GALNTL6: variants seen among roughly 807,000 people sequenced by gnomAD.
The protein encoded by GALNTL6 is polypeptide N-acetylgalactosaminyltransferase-like 6.
Under a neutral mutation model 73.7 loss-of-function variants are expected in GALNTL6, and 46 were observed. That is an observed-to-expected ratio of 0.62 (90% CI 0.49 to 0.80). The LOEUF is 0.80. GALNTL6 is among the 30% of genes least tolerant of loss of function. The probability of loss-of-function intolerance (pLI) is 0.00; values close to 1 mark genes in which losing one functional copy is unlikely to be tolerated. For missense variants in GALNTL6, 604 were observed against 755.0 expected, an observed-to-expected ratio of 0.80 and a Z score of 2.34; for synonymous variants, 259 against 263.7, an observed-to-expected ratio of 0.98 and a Z score of 0.17.
chr4:172,362,941 G>T (rs1333162804), intron 5 of GALNTL6, among the ~76,000 whole-genome samples: 1 of 152,104 alleles, frequency 6.6e-6, no homozygotes, highest in African/African-American at 2.4e-5. Context: ...TTAAATTCCT[G>T]AAAGGTCCTT....
chr4:172,152,444 A>G (rs1031643293), intron 2 of GALNTL6, among the ~76,000 whole-genome samples: 6 of 152,318 alleles, frequency 3.9e-5, no homozygotes, highest in African/African-American at 1.4e-4. Flanking sequence ...TGGTGATTGC[A>G]TAGCTGTCAT....
intron 2 of GALNTL6, among the ~76,000 whole-genome samples, chr4:171,877,297 CT>C (rs1736307588): frequency 6.6e-6 from 1 of 152,072 alleles, no homozygotes; most frequent in Non-Finnish European, 1.5e-5. Context: ...TCTTTTCAGT[CT>C]TTTTTCTACA....
rs1001814034 is a variant in GALNTL6, at chr4:172,388,320, T to G, written c.553+39631T>G. 2.0e-5 allele frequency among the ~76,000 whole-genome samples: 3 copies of G among 152,154 alleles called. No homozygotes were observed. The East Asian group carries it at 5.8e-4, about 29-fold the overall frequency. ...ATACCATACATTGGTCAATTTAAAA[T>G]CATAGAACGCAATGCTCTAGTGCTT... On this transcript the variant is annotated intron_variant, in intron 5 of 12. Coordinates refer to ENST00000506823, the MANE Select transcript of GALNTL6 (RefSeq NM_001034845.3).
chr4:172,049,407 T>G (rs1730755429), intron 2 of GALNTL6, among the ~76,000 whole-genome samples: 1 of 152,280 alleles, frequency 6.6e-6, no homozygotes, highest in South Asian at 2.1e-4. Flanking sequence ...TGCCATTAGA[T>G]TATCCTTTTT....
intron 5 of GALNTL6, among the ~76,000 whole-genome samples, chr4:172,585,078 A>G (rs986017816): frequency 4.0e-5 from 6 of 150,634 alleles, no homozygotes; most frequent in South Asian, 2.1e-4. Flanking sequence ...CATCTGCTGA[A>G]TTGACCAATA....
At chr4:172,371,617 TTC>T (rs892049014) in intron 5 of GALNTL6, among the ~76,000 whole-genome samples, 7 of 152,096 alleles carry the variant, frequency 4.6e-5, no homozygotes, top group Non-Finnish European at 1.0e-4. Flanking sequence ...TTCTTTGACT[TTC>T]TGTCGCTCTG....
intron 5 of GALNTL6, among the ~76,000 whole-genome samples, chr4:172,604,182 G>A (rs946768520): frequency 2.6e-5 from 4 of 152,116 alleles, no homozygotes; most frequent in Admixed American, 6.6e-5. Context: ...AGAGAAGATC[G>A]ATGGGAGATA....
chr4:172,716,477 T>G (rs1410511641), intron 5 of GALNTL6, among the ~76,000 whole-genome samples: 1 of 133,612 alleles, frequency 7.5e-6, no homozygotes, highest in Non-Finnish European at 1.6e-5. Context: ...ATCTCCTCGA[T>G]GACTGACGCC....
At chr4:173,022,185 G>A (rs1041132956) in intron 12 of GALNTL6, among the ~76,000 whole-genome samples, 2 of 110,370 alleles carry the variant, frequency 1.8e-5, no homozygotes, top group Non-Finnish European at 4.0e-5. Flanking sequence ...GAGAGGGAGG[G>A]AGGGAGGAAG....
At chr4:171,907,882 C>G (rs1168349274) in intron 2 of GALNTL6, among the ~76,000 whole-genome samples, 1 of 152,086 alleles carries the variant, frequency 6.6e-6, no homozygotes, top group East Asian at 1.9e-4. Flanking sequence ...CTGAGAAAAA[C>G]AAGCAATGGG....
chr4:172,047,665 GATT>G (rs1225936285), intron 2 of GALNTL6, among the ~76,000 whole-genome samples: 1 of 152,010 alleles, frequency 6.6e-6, no homozygotes, highest in Non-Finnish European at 1.5e-5. Context: ...TGGAGAAAAA[GATT>G]TATCATGAAG....
At chr4:172,152,895 C>T (rs754078971) in intron 2 of GALNTL6, among the ~76,000 whole-genome samples, 6 of 152,210 alleles carry the variant, frequency 3.9e-5, no homozygotes, top group Non-Finnish European at 7.3e-5. Flanking sequence ...CAGGCGTGAG[C>T]CACCGTGCCA....
chr4:172,010,804 A>C (rs1047046099), intron 2 of GALNTL6, among the ~76,000 whole-genome samples: 1 of 152,096 alleles, frequency 6.6e-6, no homozygotes, highest in Non-Finnish European at 1.5e-5. Flanking sequence ...GATACTTAGT[A>C]AAGTCAAACA....
chr4:172,014,842 A>G (rs192507104), intron 2 of GALNTL6, among the ~76,000 whole-genome samples: 51 of 152,168 alleles, frequency 3.4e-4, no homozygotes, highest in African/African-American at 1.2e-3. Flanking sequence ...TTTAATTTGC[A>G]TGTATTTGTA....
chr4:172,754,755 T>C (rs552862422), intron 5 of GALNTL6, among the ~76,000 whole-genome samples: 1 of 151,740 alleles, frequency 6.6e-6, no homozygotes, highest in Admixed American at 6.6e-5. Context: ...TAAATACTAA[T>C]GTTGGCCCAA....
chr4:173,039,314 T>C (rs1753811932), intron 12 of GALNTL6, among the ~76,000 whole-genome samples: 1 of 152,228 alleles, frequency 6.6e-6, no homozygotes, highest in African/African-American at 2.4e-5. Context: ...TTTGAATTTG[T>C]ACATTCAGCT....
chr4:172,465,880 T>TG (rs1417666531), intron 5 of GALNTL6, among the ~76,000 whole-genome samples: 1 of 152,238 alleles, frequency 6.6e-6, no homozygotes, highest in East Asian at 1.9e-4. Flanking sequence ...TTTACTAAGA[T>TG]GTTGCAACAT....
intron 3 of GALNTL6, among the ~76,000 whole-genome samples, chr4:172,300,006 T>A (rs113030666): frequency 3.3e-5 from 5 of 152,150 alleles, no homozygotes; most frequent in African/African-American, 1.2e-4. Flanking sequence ...GGAGTCTAAG[T>A]CTCTTTGTAG....
intron 5 of GALNTL6, among the ~76,000 whole-genome samples, chr4:172,796,383 A>C (rs1214429592): frequency 6.6e-6 from 1 of 152,224 alleles, no homozygotes; most frequent in Non-Finnish European, 1.5e-5. Flanking sequence ...ATTTGTAAGT[A>C]AGAATAATTT....
Sources: allele counts gnomAD v4.1 joint callset (sites outside exome capture counted in the v4.1 genomes callset), GRCh38; gene constraint gnomAD v4.1.1; transcripts MANE v1.5; gene names NCBI Gene and HGNC (gene_info 2026-07-23, HGNC 2026-07-21).